The following SPATA9 variants were observed in gnomAD, a reference collection of about 807,000 sequenced individuals.
SPATA9 encodes spermatogenesis-associated protein 9.
Under a neutral mutation model 25.5 loss-of-function variants are expected in SPATA9, and 27 were observed. The observed-to-expected ratio is 1.06, with a 90% CI of 0.78 to 1.46. The LOEUF is 1.46. Ranked by LOEUF, SPATA9 falls within the 40% of genes most tolerant of loss-of-function variation. SPATA9 has a pLI of 0.00. For missense variants in SPATA9, 282 were observed against 297.5 expected (o/e 0.95, Z 0.38); for synonymous variants, 102 against 105.7 (o/e 0.97, Z 0.21).
the SPATA9 span, among the ~76,000 whole-genome samples, chr5:95,708,424 T>C: frequency 6.6e-6 from 1 of 152,176 alleles, no homozygotes; most frequent in Non-Finnish European, 1.5e-5. Flanking sequence ...TGGACAGTTA[T>C]AGTAAGAGGA....
At chr5:95,731,166 G>A in the SPATA9 span, 7 of 1,010,048 alleles carry the variant, frequency 6.9e-6, no homozygotes, top group Non-Finnish European at 8.3e-6. Context: ...GCTCCTTTGT[G>A]TCCAGCCGCC....
upstream of SPATA9, among the ~76,000 whole-genome samples, chr5:95,687,732 A>G (rs140445680): frequency 2.0e-3 from 304 of 152,312 alleles, 4 homozygotes; most frequent in Middle Eastern, 0.01. Context: ...TAGCATTGTT[A>G]CCCAGGTTTG....
the SPATA9 span, among the ~76,000 whole-genome samples, chr5:95,722,793 T>C: frequency 2.0e-5 from 3 of 152,220 alleles, no homozygotes; most frequent in Admixed American, 1.3e-4. Flanking sequence ...TAAAAGAGTC[T>C]TATCGCTTTT....
At chr5:95,718,609 G>A in the SPATA9 span, among the ~76,000 whole-genome samples, 1 of 152,202 alleles carries the variant, frequency 6.6e-6, no homozygotes, top group Admixed American at 6.5e-5. Flanking sequence ...ATTGAAGTTG[G>A]AGGCCATGAA....
At chr5:95,726,113 C>A in the SPATA9 span, among the ~76,000 whole-genome samples, 1 of 152,296 alleles carries the variant, frequency 6.6e-6, no homozygotes, top group East Asian at 1.9e-4. Flanking sequence ...TCAGTTTAAC[C>A]TTATAGTAAA....
intron 3 of SPATA9, among the ~76,000 whole-genome samples, chr5:95,673,124 T>G (rs1752565317): frequency 6.6e-6 from 1 of 152,194 alleles, no homozygotes; most frequent in South Asian, 2.1e-4. Context: ...TCTCTCCATC[T>G]GTATATCTTT....
At chr5:95,701,323 T>G (rs1441608253), upstream of SPATA9, 1 of 152,168 alleles carries the variant, frequency 6.6e-6, no homozygotes, top group Non-Finnish European at 1.5e-5. Flanking sequence ...CTTGGGAGAT[T>G]TAACCAGGTT....
rs1750981242 is a variant in SPATA9, at chr5:95,658,865, C to T, written c.523G>A (p.Glu175Lys). Residue 175 changes from glutamate (E) to lysine (K), a missense_variant, in exon 5 of 5, where the codon GAA (glutamate) becomes AAA (lysine). Glu to Lys is a moderately conservative substitution (Grantham distance 56). Transcript: ENST00000274432. ...VLKKVKNIFQ[E>K]EESIRQNREE... is the part of the protein sequence containing the mutation. ...CTGTTTTGCCTTATGGATTCTTCTT[C>T]CTGGAAGATGTTCTTTACCTTCTTC... 3.1e-6 allele frequency: 5 copies of T among 1,613,862 alleles called. No individual in the cohort carries two copies. Among genetic ancestry groups the T allele is most frequent in the Non-Finnish European group, 4.2e-6 (5 of 1,179,864 alleles).
At chr5:95,683,463 C>A (rs1468733696), upstream of SPATA9, among the ~76,000 whole-genome samples, 1 of 152,082 alleles carries the variant, frequency 6.6e-6, no homozygotes, top group Non-Finnish European at 1.5e-5. Context: ...CCATTAGTTC[C>A]CCCGATCAAA....
chr5:95,714,303 G>A, the SPATA9 span, among the ~76,000 whole-genome samples: 1 of 152,182 alleles, frequency 6.6e-6, no homozygotes, highest in Non-Finnish European at 1.5e-5. Flanking sequence ...CTGAAGCCAT[G>A]AGAGCAGATG....
the SPATA9 span, chr5:95,731,671 G>C: frequency 6.2e-7 from 1 of 1,613,432 alleles, no homozygotes; most frequent in Non-Finnish European, 8.5e-7. Context: ...CCCTGCCCTT[G>C]GATTTGAGAT....
the SPATA9 span, among the ~76,000 whole-genome samples, chr5:95,720,898 T>C: frequency 6.6e-6 from 1 of 152,224 alleles, no homozygotes; most frequent in African/African-American, 2.4e-5. Context: ...AAAATGTCAT[T>C]TGTTGCCATA....
At chr5:95,662,407 T>C (rs550259455) in intron 4 of SPATA9, among the ~76,000 whole-genome samples, 1 of 152,296 alleles carries the variant, frequency 6.6e-6, no homozygotes, top group East Asian at 1.9e-4. Context: ...TGGATGACAT[T>C]AAAATTATGA....
chr5:95,662,976 TAAAA>T (rs1420046894), intron 4 of SPATA9, among the ~76,000 whole-genome samples: 1 of 152,218 alleles, frequency 6.6e-6, no homozygotes, highest in East Asian at 1.9e-4. Context: ...TGTTAATTGT[TAAAA>T]AACCATTTTA....
chr5:95,661,643 C>T (rs1275002403), intron 4 of SPATA9, among the ~76,000 whole-genome samples: 1 of 152,132 alleles, frequency 6.6e-6, no homozygotes, highest in Non-Finnish European at 1.5e-5. Flanking sequence ...ATAAGATTCA[C>T]ATTTAAAATA....
the SPATA9 span, among the ~76,000 whole-genome samples, chr5:95,711,588 G>C: frequency 2.6e-5 from 4 of 152,190 alleles, no homozygotes; most frequent in African/African-American, 7.2e-5. Flanking sequence ...AATGGGTGGC[G>C]AGCCCACAGG....
chr5:95,727,934 G>A, the SPATA9 span, among the ~76,000 whole-genome samples: 1 of 152,174 alleles, frequency 6.6e-6, no homozygotes, highest in Non-Finnish European at 1.5e-5. Flanking sequence ...AGTCATTCAA[G>A]GACTGGTTCC....
downstream of SPATA9, chr5:95,654,473 A>G: frequency 2.6e-6 from 2 of 755,010 alleles, no homozygotes; most frequent in Non-Finnish European, 4.3e-6. Context: ...TATAATTCCA[A>G]GTATTCTGGG....
downstream of SPATA9, chr5:95,657,140 G>T (rs542606475): frequency 6.6e-6 from 1 of 152,016 alleles, no homozygotes; most frequent in East Asian, 1.9e-4. Context: ...TTTTAAAAAC[G>T]TTTTAGAACT....
Sources: allele counts gnomAD v4.1 joint callset (sites outside exome capture counted in the v4.1 genomes callset), GRCh38; gene constraint gnomAD v4.1.1; transcripts MANE v1.5; gene names NCBI Gene and HGNC (gene_info 2026-07-23, HGNC 2026-07-21).